The following CYLD variants were observed in gnomAD, a reference collection of about 807,000 sequenced individuals.
CYLD encodes CYLD lysine 63 deubiquitinase.
Under a neutral mutation model 104.5 loss-of-function variants are expected in CYLD, and 26 were observed. That is an observed-to-expected ratio of 0.25 (90% CI 0.18 to 0.35). CYLD has a LOEUF of 0.35. CYLD is among the 10% of genes least tolerant of loss of function. The pLI is 1.00. For missense variants in CYLD, 703 were observed against 1,136.1 expected (o/e 0.62, Z 5.48); for synonymous variants, 385 against 399.9 (o/e 0.96, Z 0.45).
chr16:50,759,438 T>A (rs1409942242), intron 5 of CYLD, among the ~76,000 whole-genome samples: 1 of 152,224 alleles, frequency 6.6e-6, no homozygotes, highest in Non-Finnish European at 1.5e-5. Flanking sequence ...TTATTCTGAT[T>A]TTTTCATTAA....
chr16:50,776,765 A>G (rs909064527), intron 7 of CYLD, among the ~76,000 whole-genome samples: 21 of 152,200 alleles, frequency 1.4e-4, no homozygotes, highest in African/African-American at 4.3e-4. Context: ...GTTAGCTTCC[A>G]CATACTTCAT....
intron 8 of CYLD, among the ~76,000 whole-genome samples, chr16:50,778,543 G>T (rs1961485100): frequency 6.6e-6 from 1 of 152,224 alleles, no homozygotes; most frequent in Admixed American, 6.5e-5. Context: ...GGTCTTAGGG[G>T]TGTTTCTTTG....
chr16:50,781,893 C>G (rs567856102), intron 10 of CYLD, among the ~76,000 whole-genome samples: 3 of 152,232 alleles, frequency 2.0e-5, no homozygotes, highest in African/African-American at 7.2e-5. Flanking sequence ...CTTTCCACTT[C>G]TACATAATAG....
intron 5 of CYLD, among the ~76,000 whole-genome samples, chr16:50,770,815 T>G (rs961647692): frequency 2.0e-4 from 31 of 152,184 alleles, no homozygotes; most frequent in African/African-American, 6.8e-4. Context: ...TTGGATCCTG[T>G]GCTTTTTTAC....
chr16:50,766,918 G>A (rs559168371), intron 5 of CYLD, among the ~76,000 whole-genome samples: 5 of 152,330 alleles, frequency 3.3e-5, no homozygotes, highest in East Asian at 1.9e-4. Context: ...TGTGAACATC[G>A]TTGAGATGAC....
rs188159342 is a variant in CYLD at position 50,777,958 on chromosome 16, G to A, written c.1138+17G>A. On this transcript the variant is annotated intron_variant, in intron 8 of 18. Coordinates refer to ENST00000427738, the MANE Select transcript of CYLD (RefSeq NM_001378743.1). ...TTGATGAAGGTAATCAGTAATTTTA[G>A]TGTTCTTTATAATGATCCTTTCTTT... is the stretch of plus-strand genomic sequence containing the variant. 6.8e-6 allele frequency: 9 copies of A among 1,325,228 alleles called. No individual in the cohort carries two copies. Among genetic ancestry groups the A allele is most frequent in the Admixed American group, 5.0e-5 (3 of 59,428 alleles). 82.1% of individuals were successfully genotyped at this position (1,325,228 alleles called of 1,614,324 possible).
In CYLD at chr16:50,799,339, G is replaced by A. The variant is rs1054112576; in HGVS notation, c.*2831G>A. 4.3e-6 allele frequency: 1 copy of A among 233,482 alleles called. No homozygotes were observed. Among genetic ancestry groups the A allele is most frequent in the East Asian group, 6.0e-5 (1 of 16,684 alleles). The allele number at this position is 233,482 out of a possible 1,614,324, so 14.5% of individuals were successfully genotyped here. ...TATGTGGCGGAGAGGGAGAGAGTGG[G>A]GAAGGAGAGCAGTGTTATCATACAT... On this transcript the variant is annotated 3_prime_UTR_variant, in exon 19 of 19. Transcript: ENST00000427738.
In CYLD at chr16:50,751,675, T is replaced by G. The variant is rs1966633828; in HGVS notation, c.576T>G (p.Asp192Glu). The G allele has an allele frequency of 6.2e-7, 1 of 1,613,598 alleles. No individual in the cohort carries two copies. The highest frequency in any genetic ancestry group is 1.3e-5 in the African/African-American group (1 of 74,864). ...QGKQLFQCDE[D>E]CGVFVALDKL... ...AACAGCTTTTTCAGTGTGATGAAGA[T>G]TGTGGCGTGTTTGTTGCATTGGACA... The change falls in exon 4 of 19, where the codon GAT (aspartate) becomes GAG (glutamate). Residue 192 changes from aspartate to glutamate, a missense_variant. Coordinates refer to ENST00000427738, the MANE Select transcript of CYLD (RefSeq NM_001378743.1).
chr16:50,764,889 A>T (rs1968328414), intron 5 of CYLD, among the ~76,000 whole-genome samples: 1 of 152,220 alleles, frequency 6.6e-6, no homozygotes, highest in Non-Finnish European at 1.5e-5. Context: ...TGAGCTTGAG[A>T]CACTGTGTCC....
At chr16:50,757,104 GT>G (rs572408816) in intron 5 of CYLD, among the ~76,000 whole-genome samples, 9 of 149,750 alleles carry the variant, frequency 6.0e-5, no homozygotes, top group African/African-American at 1.7e-4. Flanking sequence ...AAACTGAATT[GT>G]TTTTTTTTCA....
chr16:50,786,302 T>G (rs1456628874), intron 12 of CYLD: 1 of 152,230 alleles, frequency 6.6e-6, no homozygotes, highest in African/African-American at 2.4e-5. Context: ...AACCTAAAAA[T>G]TTTTTATCTT....
rs569667350 is a variant in CYLD at position 50,771,947 on chromosome 16, G to A, written c.914-3219G>A. Among the ~76,000 whole-genome samples the A allele has an allele frequency of 1.1e-4, 17 of 152,212 alleles. No individual in the cohort carries two copies. In the South Asian group the frequency reaches 2.1e-3, roughly 19 times the overall value. On this transcript the variant is annotated intron_variant, in intron 5 of 18. Transcript: ENST00000427738. ...GTCCTACTGCCCATACCACAGTCTC[G>A]ATCACTGCGGCTAACTAGTAAGTCT...
chr16:50,787,525 A>G (rs530198470), intron 13 of CYLD: 4 of 390,956 alleles, frequency 1.0e-5, no homozygotes, highest in Non-Finnish European at 1.9e-5. Flanking sequence ...AATAACAGCT[A>G]TTTCATTATG....
Position 50,749,653 on chromosome 16 carries a change from TA to T in CYLD, c.-45del, listed in dbSNP as rs1450137229. On this transcript the variant is annotated 5_prime_UTR_variant, in exon 3 of 19. An upstream open reading frame in the 5' UTR gains an earlier in-frame stop. Coordinates refer to ENST00000427738, the MANE Select transcript of CYLD (RefSeq NM_001378743.1). ...TTTTGCGGTTTTATGACAAAGTTAT[TA>T]GTAGTTTCCCTTTTTTGAATTAGTA... 1 of 1,593,524 alleles carries T rather than the reference TA, an allele frequency of 6.3e-7. No homozygotes were observed. The highest frequency in any genetic ancestry group is 8.6e-7 in the Non-Finnish European group (1 of 1,165,864).
At chr16:50,793,920 ATTTTTTTT>A (rs34233862) in intron 17 of CYLD, among the ~76,000 whole-genome samples, 2 of 131,084 alleles carry the variant, frequency 1.5e-5, no homozygotes, top group East Asian at 2.1e-4. Flanking sequence ...CATTAATGAC[ATTTTTTTT>A]TTTTTTTTTT....
In CYLD at chr16:50,742,765, C is replaced by T; in HGVS notation, c.-200C>T. The T allele has an allele frequency of 2.5e-6, 1 of 398,754 alleles. No individual in the cohort carries two copies. Among genetic ancestry groups the T allele is most frequent in the Admixed American group, 4.4e-5 (1 of 22,726 alleles). The allele number at this position is 398,754 out of a possible 1,614,324, so 24.7% of individuals were successfully genotyped here. On this transcript the variant is annotated 5_prime_UTR_variant, in exon 2 of 19. Coordinates refer to ENST00000427738, the MANE Select transcript of CYLD (RefSeq NM_001378743.1). ...CGTGTTCTGCTTTTTCTTTCAGTTT[C>T]CCCCTTTCTAGGGTGAGGATGGTTC...
chr16:50,777,771 A>AT, intron 7 of CYLD, 54 bp from the exon 8 acceptor site: 2 of 907,200 alleles, frequency 2.2e-6, no homozygotes, highest in Admixed American at 1.8e-5. Flanking sequence ...CTAAAAAAAA[A>AT]CTTTGATGCT....
chr16:50,780,834 CT>C (rs59836901), intron 9 of CYLD, among the ~76,000 whole-genome samples: 5,813 of 144,828 alleles, frequency 0.04, 314 homozygotes, highest in African/African-American at 0.12. Context: ...AAATATATTT[CT>C]TTTTTTTTTT....
rs1189411941 is a variant in CYLD, at chr16:50,800,953, C to G, written c.*4445C>G. The G allele has an allele frequency of 4.3e-6, 1 of 233,260 alleles. No homozygotes were observed. The highest frequency in any genetic ancestry group is 8.5e-6 in the Non-Finnish European group (1 of 118,060). The allele number at this position is 233,260 out of a possible 1,614,324, so 14.4% of individuals were successfully genotyped here. A position where few individuals can be genotyped will look rare whatever the true frequency, so the allele number is the denominator to read the frequency against. ...GAGGCAGAGGAAGAAGGAATGTAAA[C>G]CCCTTAAAGCAGATGTGTGTGGGGC... On this transcript the variant is annotated 3_prime_UTR_variant, in exon 19 of 19. Coordinates refer to ENST00000427738, the MANE Select transcript of CYLD (RefSeq NM_001378743.1).
Sources: allele counts gnomAD v4.1 joint callset (sites outside exome capture counted in the v4.1 genomes callset), GRCh38; gene constraint gnomAD v4.1.1; transcripts MANE v1.5; gene names NCBI Gene and HGNC (gene_info 2026-07-23, HGNC 2026-07-21).